CLUAP1: variants seen among roughly 807,000 people sequenced by gnomAD.
CLUAP1 encodes clusterin-associated protein 1.
Under a neutral mutation model 55.0 loss-of-function variants are expected in CLUAP1, and 50 were observed. That is an observed-to-expected ratio of 0.91 (90% CI 0.72 to 1.15). CLUAP1 has a LOEUF of 1.15. CLUAP1 is among the 50% of genes most tolerant of loss of function. The probability of loss-of-function intolerance (pLI) is 0.00; values close to 1 mark genes in which losing one functional copy is unlikely to be tolerated. For synonymous variants in CLUAP1, 195 were observed against 175.4 expected, an observed-to-expected ratio of 1.11 and a Z score of -0.88; for missense variants, 530 against 507.6, an observed-to-expected ratio of 1.04 and a Z score of -0.42.
At chr16:3,508,536 G>A (rs2037554579) in intron 4 of CLUAP1, 68 bp downstream of exon 4, 2 of 1,370,594 alleles carry the variant, frequency 1.5e-6, no homozygotes, top group Non-Finnish European at 1.9e-6. Context: ...AGTGGAAGGA[G>A]TCTGCTACAG....
upstream of CLUAP1, chr16:3,496,467 G>C: frequency 1.2e-6 from 1 of 840,660 alleles, no homozygotes; most frequent in Non-Finnish European, 1.9e-6. Context: ...ACGCTTAACG[G>C]ATGACGCGAG....
intron 9 of CLUAP1, among the ~76,000 whole-genome samples, chr16:3,528,858 T>C (rs560857145): frequency 6.6e-6 from 1 of 152,230 alleles, no homozygotes; most frequent in Non-Finnish European, 1.5e-5. Flanking sequence ...TATTTCCCCA[T>C]TGAGTTATAC....
intron 11 of CLUAP1, chr16:3,533,602 T>G (rs1373603314): frequency 5.7e-6 from 1 of 175,444 alleles, no homozygotes; most frequent in Non-Finnish European, 1.2e-5. Flanking sequence ...GGGTCCTCAG[T>G]GAGGTCCAGT....
At chr16:3,496,237 G>A (rs957591431), upstream of CLUAP1, 1 of 630,938 alleles carries the variant, frequency 1.6e-6, no homozygotes, top group South Asian at 1.4e-5. Flanking sequence ...GGACCTAAAG[G>A]TTCGGCGCAA....
intron 6 of CLUAP1, among the ~76,000 whole-genome samples, chr16:3,519,695 A>C (rs1007231699): frequency 1.3e-5 from 2 of 152,324 alleles, no homozygotes; most frequent in African/African-American, 4.8e-5. Context: ...ATGGGGAAAA[A>C]AAAAGAGATA....
chr16:3,511,475 C>T lies in CLUAP1; in HGVS notation c.400-908C>T, dbSNP rs148627165. Reference sequence around the variant, plus strand: ...ATTGTAAGTCCTTAGTGGGTGCCACCCGATTTGCGCCTCTCCAAGCCTGTG... The same window carrying T: ...ATTGTAAGTCCTTAGTGGGTGCCACTCGATTTGCGCCTCTCCAAGCCTGTG... On this transcript the variant is annotated intron_variant, in intron 4 of 11. Transcript: ENST00000576634. Among the ~76,000 whole-genome samples, 309 of 152,278 alleles carry T rather than the reference C, an allele frequency of 2.0e-3. 4 individuals carry two copies. The highest frequency in any genetic ancestry group is 6.9e-3 in the African/African-American group (287 of 41,564).
intron 1 of CLUAP1, 38 bp downstream of exon 1, chr16:3,501,127 C>A: frequency 6.4e-7 from 1 of 1,568,138 alleles, no homozygotes; most frequent in Admixed American, 1.8e-5. Flanking sequence ...TGCGGGTCTT[C>A]CAGAGATTCA....
chr16:3,510,532 T>C (rs1366307210), intron 4 of CLUAP1, among the ~76,000 whole-genome samples: 20 of 152,030 alleles, frequency 1.3e-4, no homozygotes. Flanking sequence ...GGATGAGGCA[T>C]GGGTTGAGAG....
chr16:3,533,080 C>T (rs1252952781), intron 11 of CLUAP1: 2 of 1,535,592 alleles, frequency 1.3e-6, no homozygotes, highest in Admixed American at 3.9e-5. Context: ...ACTGTTCTTT[C>T]CATTCTCGCT....
chr16:3,527,795 C>G (rs548093791), intron 9 of CLUAP1, among the ~76,000 whole-genome samples: 3 of 152,190 alleles, frequency 2.0e-5, no homozygotes, highest in African/African-American at 4.8e-5. Flanking sequence ...TAAGCTGTCT[C>G]TCTCTCCTCT....
intron 3 of CLUAP1, 70 bp from the exon 4 acceptor site, chr16:3,508,219 T>G: frequency 7.1e-7 from 1 of 1,402,730 alleles, no homozygotes; most frequent in Non-Finnish European, 9.7e-7. Context: ...TCAACTCACC[T>G]ACATGGGATT....
intron 9 of CLUAP1, among the ~76,000 whole-genome samples, chr16:3,527,765 G>C (rs1290848690): frequency 2.6e-5 from 4 of 152,244 alleles, no homozygotes; most frequent in African/African-American, 9.6e-5. Flanking sequence ...AAAAGTCTCT[G>C]ATAAGCAGAA....
At chr16:3,503,160 T>C (rs117386531) in intron 1 of CLUAP1, among the ~76,000 whole-genome samples, 2,303 of 151,802 alleles carry the variant, frequency 0.015, 30 homozygotes, top group East Asian at 0.039. Flanking sequence ...TTTTTATTTT[T>C]ATTTTATTCT....
chr16:3,511,596 TG>T (rs1427849580), intron 4 of CLUAP1, among the ~76,000 whole-genome samples: 1 of 152,146 alleles, frequency 6.6e-6, no homozygotes, highest in Non-Finnish European at 1.5e-5. Flanking sequence ...GCTGTCCCTT[TG>T]TGTGGCCGCT....
At chr16:3,503,069 C>T (rs1459174446) in intron 1 of CLUAP1, among the ~76,000 whole-genome samples, 1 of 152,058 alleles carries the variant, frequency 6.6e-6, no homozygotes, top group African/African-American at 2.4e-5. Context: ...GCAACCTCTG[C>T]CTCCCAGCAA....
At chr16:3,501,679 G>C (rs1205752383) in intron 1 of CLUAP1, among the ~76,000 whole-genome samples, 1 of 152,116 alleles carries the variant, frequency 6.6e-6, no homozygotes, top group African/African-American at 2.4e-5. Flanking sequence ...CTACTCGGGA[G>C]TCTGAAGCAG....
chr16:3,498,291 CT>C (rs61131744), upstream of CLUAP1, among the ~76,000 whole-genome samples: 1 of 151,154 alleles, frequency 6.6e-6, no homozygotes, highest in Non-Finnish European at 1.5e-5. Context: ...GGGCAATCTT[CT>C]TTTTTTTTAC....
intron 9 of CLUAP1, among the ~76,000 whole-genome samples, chr16:3,526,900 C>T (rs1021505315): frequency 1.3e-5 from 2 of 152,208 alleles, no homozygotes; most frequent in South Asian, 4.2e-4. Flanking sequence ...TCTGTATTTT[C>T]AGGCTGAATG....
chr16:3,499,490 A>C (rs1287946295), upstream of CLUAP1, among the ~76,000 whole-genome samples: 1 of 152,264 alleles, frequency 6.6e-6, no homozygotes, highest in Non-Finnish European at 1.5e-5. Context: ...ATAACTTCAT[A>C]GTGATATCTC....
Sources: gnomAD v4.1 joint callset for allele counts (sites outside exome capture counted in the v4.1 genomes callset) on GRCh38, gnomAD v4.1.1 for gene constraint, MANE v1.5 for transcripts, NCBI Gene and HGNC (gene_info 2026-07-23, HGNC 2026-07-21) for gene names.